Variants in DNAJC1 observed in about 807,000 individuals in gnomAD.
DNAJC1 encodes dnaJ homolog subfamily C member 1.
A neutral mutation model predicts 76.6 loss-of-function variants in DNAJC1; 58 were observed. The observed-to-expected ratio is 0.76, with a 90% CI of 0.61 to 0.94. The LOEUF (loss-of-function observed/expected upper bound fraction) is 0.94. DNAJC1 is among the 40% of genes least tolerant of loss of function. The pLI is 0.00. For synonymous variants in DNAJC1, 258 were observed against 267.9 expected (o/e 0.96, Z 0.36); for missense variants, 689 against 677.3 (o/e 1.02, Z -0.19).
chr10:21,875,137 TC>T (rs1836164676), intron 8 of DNAJC1, among the ~76,000 whole-genome samples: 1 of 152,146 alleles, frequency 6.6e-6, no homozygotes, highest in Non-Finnish European at 1.5e-5. Context: ...CACCTCAGCT[TC>T]CCAAAGTGCT....
At position 21,916,553 on chromosome 10, in the gene DNAJC1, A is replaced by C. The variant is rs1172296200; in HGVS notation, c.729+2226T>G. 2.0e-5 allele frequency among the ~76,000 whole-genome samples: 3 copies of C among 152,228 alleles called. No homozygotes were observed. In the East Asian group the frequency reaches 5.8e-4, roughly 29 times the overall value. On this transcript the variant is annotated intron_variant, in intron 6 of 11. Coordinates refer to ENST00000376980, the MANE Select transcript of DNAJC1 (RefSeq NM_022365.4). ...ATCACAAGAGTGGTACATAAAGTAC[A>C]CGTTTTAAAAGTTTAAGGTTGTACC... is the stretch of plus-strand genomic sequence containing the variant.
intron 8 of DNAJC1, among the ~76,000 whole-genome samples, chr10:21,836,603 C>T (rs888035845): frequency 2.8e-4 from 42 of 152,262 alleles, no homozygotes; most frequent in Admixed American, 2.5e-3. Flanking sequence ...CAGAGACACA[C>T]ATAGGCTCAA....
chr10:21,947,827 A>T (rs1837530801), intron 1 of DNAJC1, among the ~76,000 whole-genome samples: 1 of 152,192 alleles, frequency 6.6e-6, no homozygotes, highest in South Asian at 2.1e-4. Flanking sequence ...CCTGATCATT[A>T]TCCCTCAGGA....
chr10:21,836,330 T>G (rs935150533), intron 8 of DNAJC1, among the ~76,000 whole-genome samples: 1 of 152,074 alleles, frequency 6.6e-6, no homozygotes, highest in East Asian at 1.9e-4. Context: ...AAGGCAGCAC[T>G]AAACATGGAA....
intron 1 of DNAJC1, among the ~76,000 whole-genome samples, chr10:21,986,291 G>A (rs1564845670): frequency 6.6e-6 from 1 of 152,150 alleles, no homozygotes; most frequent in Non-Finnish European, 1.5e-5. Context: ...AGTATTCCAG[G>A]TTTTCCACAT....
chr10:21,808,172 CTA>C (rs1834910927), intron 8 of DNAJC1, among the ~76,000 whole-genome samples: 2 of 152,060 alleles, frequency 1.3e-5, no homozygotes, highest in Admixed American at 1.3e-4. Flanking sequence ...TACCTAATTT[CTA>C]TGTTATTTTA....
intron 8 of DNAJC1, among the ~76,000 whole-genome samples, chr10:21,851,517 A>T (rs544284715): frequency 1.0e-3 from 159 of 152,322 alleles, no homozygotes; most frequent in Admixed American, 1.4e-3. Flanking sequence ...AGAAAATGGA[A>T]TCCTCGTATA....
At chr10:21,902,640 C>T (rs1304936542) in intron 7 of DNAJC1, among the ~76,000 whole-genome samples, 1 of 152,034 alleles carries the variant, frequency 6.6e-6, no homozygotes, top group East Asian at 1.9e-4. Context: ...AGAATTACAT[C>T]AAACTCTTAA....
intron 8 of DNAJC1, among the ~76,000 whole-genome samples, chr10:21,862,336 T>A (rs540357881): frequency 6.6e-6 from 1 of 152,058 alleles, no homozygotes; most frequent in Non-Finnish European, 1.5e-5. Context: ...TTTCCTGTGA[T>A]AGTAACACCT....
intron 8 of DNAJC1, 88 bp downstream of exon 8, chr10:21,882,194 C>G (rs1180309131): frequency 4.1e-6 from 5 of 1,231,182 alleles, no homozygotes; most frequent in Non-Finnish European, 5.6e-6. Flanking sequence ...TGCAATAAAA[C>G]AAAGCACTAT....
At chr10:21,911,384 TATA>T (rs1458431659) in intron 6 of DNAJC1, among the ~76,000 whole-genome samples, 3,604 of 152,314 alleles carry the variant, frequency 0.024, 130 homozygotes, top group African/African-American at 0.081. Flanking sequence ...TGACTTATAC[TATA>T]ATCTCAGAAT....
intron 8 of DNAJC1, among the ~76,000 whole-genome samples, chr10:21,818,965 G>A (rs1477738158): frequency 1.3e-5 from 2 of 152,052 alleles, no homozygotes; most frequent in African/African-American, 4.8e-5. Context: ...GTAAATTGAA[G>A]GAAACCAAAG....
In DNAJC1 at chr10:21,916,361, C is replaced by T. The variant is rs908975335; in HGVS notation, c.729+2418G>A. Among the ~76,000 whole-genome samples, 81 of 152,072 alleles carry T rather than the reference C, an allele frequency of 5.3e-4. 1 individual carries two copies. The highest frequency in any genetic ancestry group is 3.4e-3 in the Middle Eastern group (1 of 292). On this transcript the variant is annotated intron_variant, in intron 6 of 11. Transcript: ENST00000376980. ...AAAATTAGCCGGGCGTGGTAGCGGG[C>T]GCCTGTAGTCCCAGCTACTCGGGAG...
chr10:21,976,264 A>G (rs1350742728), intron 1 of DNAJC1, among the ~76,000 whole-genome samples: 1 of 152,208 alleles, frequency 6.6e-6, no homozygotes, highest in Non-Finnish European at 1.5e-5. Flanking sequence ...AAAATCTAGA[A>G]AAGTATATAC....
intron 6 of DNAJC1, among the ~76,000 whole-genome samples, chr10:21,905,332 A>C (rs1836726503): frequency 6.6e-6 from 1 of 151,868 alleles, no homozygotes; most frequent in South Asian, 2.1e-4. Flanking sequence ...GGCATATGAG[A>C]TCCCGACAAT....
intron 8 of DNAJC1, among the ~76,000 whole-genome samples, chr10:21,842,519 A>T (rs1177177046): frequency 6.6e-6 from 1 of 152,238 alleles, no homozygotes; most frequent in Admixed American, 6.5e-5. Context: ...GAAAGTTGGG[A>T]GAATTAAGTT....
At chr10:21,834,620 C>A (rs1835419138) in intron 8 of DNAJC1, among the ~76,000 whole-genome samples, 1 of 152,190 alleles carries the variant, frequency 6.6e-6, no homozygotes, top group South Asian at 2.1e-4. Context: ...TCACTCCCAC[C>A]CTAATACTGC....
intron 5 of DNAJC1, 26 bp from the exon 6 acceptor site, chr10:21,918,898 C>A: frequency 1.3e-6 from 2 of 1,500,044 alleles, no homozygotes; most frequent in South Asian, 1.1e-5. Flanking sequence ...AAAAAGAACA[C>A]CATACAACAT....
At chr10:21,814,167 G>C (rs1028035956) in intron 8 of DNAJC1, among the ~76,000 whole-genome samples, 1 of 152,130 alleles carries the variant, frequency 6.6e-6, no homozygotes, top group Non-Finnish European at 1.5e-5. Flanking sequence ...TTATATTGTC[G>C]GTTGGGCAGC....
Sources: allele counts gnomAD v4.1 joint callset (sites outside exome capture counted in the v4.1 genomes callset), GRCh38; gene constraint gnomAD v4.1.1; transcripts MANE v1.5; gene names NCBI Gene and HGNC (gene_info 2026-07-23, HGNC 2026-07-21).